Variants in UBE2N observed in about 807,000 individuals in gnomAD.
UBE2N encodes the protein ubiquitin conjugating enzyme E2 N.
For missense variants in UBE2N, 60 were observed against 192.1 expected (o/e 0.31, Z 4.07); for synonymous variants, 70 against 69.2 (o/e 1.01, Z -0.06).
rs1474523146 is a variant in UBE2N, at chr12:93,441,020, AT to A, written c.30+834del. 9 of 152,468 alleles carry A rather than the reference AT, an allele frequency of 5.9e-5. No homozygotes were observed. In the East Asian group the frequency reaches 1.7e-3, roughly 29 times the overall value. 9.4% of individuals were successfully genotyped at this position (152,468 alleles called of 1,614,324 possible). A position where few individuals can be genotyped will look rare whatever the true frequency, so the allele number is the denominator to read the frequency against. ...CCTGGGCACTATAGCGAGGCCTCATATCTACGAAAAAGAGAGGAGAGGAGAG... is the reference window on the plus strand; with the variant it reads ...CCTGGGCACTATAGCGAGGCCTCATACTACGAAAAAGAGAGGAGAGGAGAG... On this transcript the variant is annotated intron_variant, in intron 1 of 3. Coordinates refer to ENST00000318066, the MANE Select transcript of UBE2N (RefSeq NM_003348.4).
chr12:93,430,874 G>C (rs931654035), intron 1 of UBE2N, among the ~76,000 whole-genome samples: 1 of 149,740 alleles, frequency 6.7e-6, no homozygotes, highest in African/African-American at 2.5e-5. Context: ...AGCTACTCGG[G>C]ATGCTGAGGC....
chr12:93,420,625 G>A (rs549883437), intron 1 of UBE2N, among the ~76,000 whole-genome samples: 16 of 152,206 alleles, frequency 1.1e-4, no homozygotes, highest in African/African-American at 3.6e-4. Flanking sequence ...CTTGGTGAAC[G>A]AACATCTGCA....
At chr12:93,429,530 T>C (rs975953332) in intron 1 of UBE2N, among the ~76,000 whole-genome samples, 1 of 151,338 alleles carries the variant, frequency 6.6e-6, no homozygotes, top group South Asian at 2.1e-4. Context: ...TATACTTTTA[T>C]TGATTATTTT....
rs1877779214 is a variant in UBE2N at position 93,405,818 on chromosome 12, TAAATG to T, written c.*4216_*4220del. 2 of 152,202 alleles carry T rather than the reference TAAATG, an allele frequency of 1.3e-5. No homozygotes were observed. Among genetic ancestry groups the T allele is most frequent in the Admixed American group, 1.3e-4 (2 of 15,284 alleles). 9.4% of individuals were successfully genotyped at this position (152,202 alleles called of 1,614,324 possible). The stretch of plus-strand genomic sequence containing the variant: ...TAAGATGGGTGGCATGCCAAGTAGC[TAAATG>T]AAATATCATCCCAGCCCAAAAGTAC... On this transcript the variant is annotated 3_prime_UTR_variant, in exon 4 of 4. Transcript: ENST00000318066.
chr12:93,441,130 AAG>A (rs1261085770), intron 1 of UBE2N: 2 of 152,456 alleles, frequency 1.3e-5, no homozygotes, highest in African/African-American at 2.4e-5. Context: ...ACAGCTCTGA[AAG>A]AGTTTGCCAA....
intron 3 of UBE2N, 142 bp downstream of exon 3, chr12:93,410,592 C>T (rs1330096854): frequency 1.9e-5 from 24 of 1,274,130 alleles, no homozygotes; most frequent in Non-Finnish European, 2.5e-5. Flanking sequence ...TTTGTTAAGA[C>T]GTATTTACAT....
chr12:93,419,899 T>C (rs1403498737), intron 1 of UBE2N, among the ~76,000 whole-genome samples: 1 of 152,202 alleles, frequency 6.6e-6, no homozygotes, highest in Non-Finnish European at 1.5e-5. Context: ...CCTTTCTGCT[T>C]TCACCTCTTG....
chr12:93,429,873 T>C (rs1878706337), intron 1 of UBE2N, among the ~76,000 whole-genome samples: 1 of 152,122 alleles, frequency 6.6e-6, no homozygotes, highest in Non-Finnish European at 1.5e-5. Flanking sequence ...AGCTAAATGT[T>C]AATACAAAAA....
At chr12:93,418,248 A>G (rs1444010628) in intron 1 of UBE2N, among the ~76,000 whole-genome samples, 1 of 152,136 alleles carries the variant, frequency 6.6e-6, no homozygotes, top group Non-Finnish European at 1.5e-5. Context: ...CTATAGTCCT[A>G]GCGTACTTGG....
intron 1 of UBE2N, among the ~76,000 whole-genome samples, chr12:93,439,526 T>C (rs1029758658): frequency 2.6e-5 from 4 of 151,966 alleles, no homozygotes; most frequent in Admixed American, 6.6e-5. Context: ...CACCCAGAAA[T>C]AAAACAAATT....
At chr12:93,437,721 G>A (rs1390995979) in intron 1 of UBE2N, among the ~76,000 whole-genome samples, 1 of 150,900 alleles carries the variant, frequency 6.6e-6, no homozygotes, top group Non-Finnish European at 1.5e-5. Flanking sequence ...CCTGGGAGGT[G>A]GAGTTTGCAG....
chr12:93,422,764 G>A (rs1878456409), intron 1 of UBE2N, among the ~76,000 whole-genome samples: 1 of 151,636 alleles, frequency 6.6e-6, no homozygotes, highest in East Asian at 1.9e-4. Flanking sequence ...TTTCAAGTTG[G>A]TAATTCATTT....
intron 1 of UBE2N, among the ~76,000 whole-genome samples, chr12:93,422,358 G>A (rs889181566): frequency 1.3e-5 from 2 of 152,162 alleles, no homozygotes; most frequent in African/African-American, 4.8e-5. Flanking sequence ...TTTAAATAAT[G>A]TAGCTGTCTA....
At chr12:93,421,662 G>A (rs1878415572) in intron 1 of UBE2N, among the ~76,000 whole-genome samples, 1 of 151,868 alleles carries the variant, frequency 6.6e-6, no homozygotes, top group South Asian at 2.1e-4. Flanking sequence ...CTGGTAACCA[G>A]AAAAGTATAG....
At chr12:93,432,868 G>A (rs1878811556) in intron 1 of UBE2N, among the ~76,000 whole-genome samples, 1 of 151,162 alleles carries the variant, frequency 6.6e-6, no homozygotes, top group Non-Finnish European at 1.5e-5. Flanking sequence ...TCAGTTACTG[G>A]CCAATTCAAA....
chr12:93,423,094 G>A (rs1017918986), intron 1 of UBE2N, among the ~76,000 whole-genome samples: 4 of 152,204 alleles, frequency 2.6e-5, no homozygotes, highest in African/African-American at 9.7e-5. Context: ...CAGCAGCAGA[G>A]TTCTAGTGGT....
intron 1 of UBE2N, among the ~76,000 whole-genome samples, chr12:93,426,490 G>A (rs1878589767): frequency 6.6e-6 from 1 of 151,742 alleles, no homozygotes; most frequent in South Asian, 2.1e-4. Context: ...AGGAAATCGG[G>A]TGGCTGGAAC....
At chr12:93,441,792 C>T in intron 1 of UBE2N, 63 bp downstream of exon 1, 1 of 1,566,182 alleles carries the variant, frequency 6.4e-7, no homozygotes, top group Non-Finnish European at 8.6e-7. Context: ...AGAGGCCGCG[C>T]TGCCTGCCCA....
chr12:93,425,334 A>T (rs1290208961), intron 1 of UBE2N, among the ~76,000 whole-genome samples: 1 of 152,194 alleles, frequency 6.6e-6, no homozygotes, highest in East Asian at 1.9e-4. Context: ...TCTGAGCCAT[A>T]AAACATTATT....
Sources: gnomAD v4.1 joint callset for allele counts (sites outside exome capture counted in the v4.1 genomes callset) on GRCh38, gnomAD v4.1.1 for gene constraint, MANE v1.5 for transcripts, NCBI Gene and HGNC (gene_info 2026-07-23, HGNC 2026-07-21) for gene names.